The following ST3GAL3 variants were observed in gnomAD, a reference collection of about 807,000 sequenced individuals.
ST3GAL3 encodes the protein ST3 beta-galactoside alpha-2,3-sialyltransferase 3.
ST3GAL3 carries 21 observed loss-of-function variants against 50.1 expected under a neutral mutation model. That is an observed-to-expected ratio of 0.42 (90% confidence interval 0.30 to 0.60). ST3GAL3 has a LOEUF of 0.60. ST3GAL3 is among the 20% of genes least tolerant of loss of function. The pLI, the probability that ST3GAL3 is intolerant of heterozygous loss-of-function variation, is 0.19. For synonymous variants in ST3GAL3, 183 were observed against 190.0 expected, an observed-to-expected ratio of 0.96 and a Z score of 0.30; for missense variants, 353 against 489.4, an observed-to-expected ratio of 0.72 and a Z score of 2.63.
At chr1:43,824,871 T>G (rs1258968586) in intron 4 of ST3GAL3, 1 of 869,630 alleles carries the variant, frequency 1.1e-6, no homozygotes, top group Admixed American at 1.9e-5. Context: ...GCCTTTGCAT[T>G]AGGATTTTTA....
At chr1:43,801,497 AG>A (rs1429732385) in intron 3 of ST3GAL3, 1 of 403,626 alleles carries the variant, frequency 2.5e-6, no homozygotes, top group East Asian at 7.2e-5. Flanking sequence ...GTCCTGGAAC[AG>A]GATGTGACTG....
chr1:43,845,941 G>A (rs2066181226), intron 5 of ST3GAL3, among the ~76,000 whole-genome samples: 2 of 152,080 alleles, frequency 1.3e-5, no homozygotes, highest in Non-Finnish European at 2.9e-5. Context: ...ATATTTGTGG[G>A]TGTTCCAGAT....
chr1:43,880,912 A>AT (rs1281519176), intron 5 of ST3GAL3, among the ~76,000 whole-genome samples: 1 of 152,144 alleles, frequency 6.6e-6, no homozygotes, highest in Non-Finnish European at 1.5e-5. Context: ...CATTGCTATT[A>AT]TTACTGTTGT....
chr1:43,850,800 T>C, intron 5 of ST3GAL3: 1 of 952,148 alleles, frequency 1.1e-6, no homozygotes, highest in South Asian at 1.3e-5. Flanking sequence ...CATAGCTTGC[T>C]TCAGGGCCAC....
At position 43,838,114 on chromosome 1, in the gene ST3GAL3, C is replaced by CA. The variant is rs56058853; in HGVS notation, c.210-89dup. The CA allele has an allele frequency of 6.6e-3, 2,375 of 357,352 alleles. 3 individuals carry two copies. The highest frequency in any genetic ancestry group is 9.5e-3 in the Admixed American group (259 of 27,356). The allele number at this position is 357,352 out of a possible 1,614,324, so 22.1% of individuals were successfully genotyped here. A position where few individuals can be genotyped will look rare whatever the true frequency, so the allele number is the denominator to read the frequency against. The stretch of plus-strand genomic sequence containing the variant: ...TGGGCAACAGAACGAGACTCCGTCT[C>CA]AAAAAAAAAAAAAAAAGGGTTAAAC... On this transcript the variant is annotated intron_variant, in intron 4 of 11. Transcript: ENST00000347631.
intron 2 of ST3GAL3, among the ~76,000 whole-genome samples, chr1:43,739,490 C>T (rs1347430366): frequency 1.3e-5 from 2 of 152,254 alleles, no homozygotes; most frequent in South Asian, 2.1e-4. Flanking sequence ...GCTGGGATTA[C>T]AGGCATGAGC....
intron 4 of ST3GAL3, among the ~76,000 whole-genome samples, chr1:43,837,254 G>A (rs1307671286): frequency 6.6e-6 from 1 of 152,188 alleles, no homozygotes; most frequent in Non-Finnish European, 1.5e-5. Flanking sequence ...GAGGGTCAGG[G>A]AATCACTCCC....
intron 9 of ST3GAL3, among the ~76,000 whole-genome samples, chr1:43,911,634 T>TATAGATATATCTGTAGCTATCG (rs1557497166): frequency 7.8e-6 from 1 of 127,762 alleles, no homozygotes; most frequent in African/African-American, 3.3e-5. Context: ...TATAGATATC[T>TATAGATATATCTGTAGCTATCG]ATATCTATAG....
chr1:43,745,245 A>G (rs1196183584), intron 2 of ST3GAL3, among the ~76,000 whole-genome samples: 1 of 152,260 alleles, frequency 6.6e-6, no homozygotes, highest in African/African-American at 2.4e-5. Context: ...GAGATTTTGG[A>G]CATATGTAGA....
At chr1:43,896,926 G>C (rs774621954) in intron 6 of ST3GAL3, 8 of 151,344 alleles carry the variant, frequency 5.3e-5, no homozygotes, top group Non-Finnish European at 8.8e-5. Flanking sequence ...CTTTACAAAT[G>C]GTGTCATTAT....
intron 9 of ST3GAL3, among the ~76,000 whole-genome samples, chr1:43,904,213 C>T (rs949850891): frequency 1.3e-5 from 2 of 152,088 alleles, no homozygotes; most frequent in African/African-American, 4.8e-5. Flanking sequence ...ATGGGGCCAC[C>T]ACATCCCCAA....
At chr1:43,815,725 G>C (rs979840409) in intron 4 of ST3GAL3, among the ~76,000 whole-genome samples, 3 of 152,162 alleles carry the variant, frequency 2.0e-5, no homozygotes, top group Admixed American at 1.3e-4. Flanking sequence ...CAGAGTTTTT[G>C]TAAGAATTTA....
rs1346030815 is a variant in ST3GAL3 at position 43,879,547 on chromosome 1, AAC to A, written c.303-14834_303-14833del. The stretch of plus-strand genomic sequence containing the variant: ...TTAGAATATGTTTAGTGATTGTATT[AAC>A]AGGACTTGCTGATGAATTGGATGAG... On this transcript the variant is annotated intron_variant, in intron 5 of 11. Coordinates refer to ENST00000347631, the MANE Select transcript of ST3GAL3 (RefSeq NM_006279.5). 4 of 386,474 alleles carry A rather than the reference AAC, an allele frequency of 1.0e-5. No individual in the cohort carries two copies. The East Asian group carries it at 2.9e-4, about 28-fold the overall frequency. The allele number at this position is 386,474 out of a possible 1,614,324, so 23.9% of individuals were successfully genotyped here. A position where few individuals can be genotyped will look rare whatever the true frequency, so the allele number is the denominator to read the frequency against.
chr1:43,769,164 A>G (rs998768967), intron 2 of ST3GAL3, among the ~76,000 whole-genome samples: 1 of 152,246 alleles, frequency 6.6e-6, no homozygotes, highest in Non-Finnish European at 1.5e-5. Context: ...TAAAAAGAAA[A>G]ACATTTCAGT....
chr1:43,866,838 T>C lies in ST3GAL3; in HGVS notation c.303-27545T>C, dbSNP rs182915926. ...GGACTCTAGATTATATCCTTAAAGATATGGGAAATTAGGCCAGGTGCAGTG... is the reference window on the plus strand; with the variant it reads ...GGACTCTAGATTATATCCTTAAAGACATGGGAAATTAGGCCAGGTGCAGTG... On this transcript the variant is annotated intron_variant, in intron 5 of 11. Coordinates refer to ENST00000347631, the MANE Select transcript of ST3GAL3 (RefSeq NM_006279.5). Among the ~76,000 whole-genome samples, 476 of 152,120 alleles carry C rather than the reference T, an allele frequency of 3.1e-3. 4 individuals carry two copies. The highest frequency in any genetic ancestry group is 5.3e-3 in the Non-Finnish European group (359 of 67,974).
chr1:43,785,448 A>T (rs3791049), intron 2 of ST3GAL3, among the ~76,000 whole-genome samples: 13 of 152,024 alleles, frequency 8.6e-5, no homozygotes, highest in East Asian at 5.8e-4. Flanking sequence ...GCTTCAATGT[A>T]GCAAGAGACA....
intron 5 of ST3GAL3, chr1:43,878,930 A>G (rs756665059): frequency 3.0e-5 from 13 of 439,654 alleles, no homozygotes; most frequent in Non-Finnish European, 5.1e-5. Flanking sequence ...TCCTGTTCAC[A>G]TGGAGACCCT....
intron 5 of ST3GAL3, among the ~76,000 whole-genome samples, chr1:43,843,111 G>A (rs529983256): frequency 6.6e-6 from 1 of 152,304 alleles, no homozygotes; most frequent in Non-Finnish European, 1.5e-5. Context: ...AGACTGTTCA[G>A]TGCAGTATTA....
rs145724423 is a variant in ST3GAL3, at chr1:43,805,536, G to A, written c.167-9355G>A. On this transcript the variant is annotated intron_variant, in intron 3 of 11. Transcript: ENST00000347631. ...AGTTAGATCAGAGAAGATGTTGTTC[G>A]TTCAACATTCCTTCCACATGCCAAG... 6.4e-3 allele frequency among the ~76,000 whole-genome samples: 979 copies of A among 152,312 alleles called. 4 individuals are homozygous for A. Among genetic ancestry groups the A allele is most frequent in the Non-Finnish European group, 0.01 (694 of 68,034 alleles).
Sources: gnomAD v4.1 joint callset for allele counts (sites outside exome capture counted in the v4.1 genomes callset) on GRCh38, gnomAD v4.1.1 for gene constraint, MANE v1.5 for transcripts, NCBI Gene and HGNC (gene_info 2026-07-23, HGNC 2026-07-21) for gene names.